LPIN1: variants seen among roughly 807,000 people sequenced by gnomAD.
LPIN1 encodes phosphatidate phosphatase LPIN1.
A neutral mutation model predicts 107.5 loss-of-function variants in LPIN1; 71 were observed. The observed-to-expected ratio is 0.66, with a 90% confidence interval of 0.55 to 0.80. LPIN1 has a LOEUF of 0.80. Among genes scored for constraint, LPIN1 ranks in the 30% least tolerant of loss-of-function variants. LPIN1 has a pLI of 0.00. For missense variants in LPIN1, 1,043 were observed against 1,160.6 expected, an observed-to-expected ratio of 0.90 and a Z score of 1.47; for synonymous variants, 445 against 452.6, an observed-to-expected ratio of 0.98 and a Z score of 0.21.
chr2:11,827,240 G>C lies in LPIN1; in HGVS notation c.*2449G>C, dbSNP rs762743534. The C allele has an allele frequency of 2.0e-5, 3 of 152,508 alleles. No individual in the cohort carries two copies. The highest frequency in any genetic ancestry group is 6.5e-5 in the Admixed American group (1 of 15,278). 9.4% of individuals were successfully genotyped at this position (152,508 alleles called of 1,614,324 possible). ...TACACTTTCAAAGAGAATTCCCTTT[G>C]CAATTTTATGTTTGGATCACCACTG... On this transcript the variant is annotated 3_prime_UTR_variant, in exon 21 of 21. Transcript: ENST00000674199. The surrounding 1 kb of genome is among the most constrained non-coding windows in gnomAD (Gnocchi z 4.1).
chr2:11,765,824 C>T lies in LPIN1; in HGVS notation c.192+91C>T. 1 of 1,187,686 alleles carries T rather than the reference C, an allele frequency of 8.4e-7. No homozygotes were observed. Among genetic ancestry groups the T allele is most frequent in the Non-Finnish European group, 1.2e-6 (1 of 843,604 alleles). The allele number at this position is 1,187,686 out of a possible 1,614,324, so 73.6% of individuals were successfully genotyped here. A position where few individuals can be genotyped will look rare whatever the true frequency, so the allele number is the denominator to read the frequency against. On this transcript the variant is annotated intron_variant, in intron 2 of 20. Transcript: ENST00000674199. This position sits in a 1 kb window ranked among gnomAD's most constrained non-coding sequence, Gnocchi z 4.4. ...ATGCCACCTGTCTTGAACTCTCAGA[C>T]CCAGAGTTTTAGGTCTTCGTTGGAA...
chr2:11,782,099 G>T, intron 7 of LPIN1, 102 bp from the exon 8 acceptor site: 1 of 896,372 alleles, frequency 1.1e-6, no homozygotes, highest in East Asian at 2.5e-5. Flanking sequence ...AAAAGTCCCT[G>T]CCTACTTTTG....
chr2:11,777,916 T>C (rs1432803476), intron 6 of LPIN1, among the ~76,000 whole-genome samples: 1 of 152,228 alleles, frequency 6.6e-6, no homozygotes, highest in African/African-American at 2.4e-5. Context: ...GATGGACTTA[T>C]TCCATGATGA....
At chr2:11,728,499 C>T (rs1251920448) in intron 1 of LPIN1, among the ~76,000 whole-genome samples, 5 of 152,152 alleles carry the variant, frequency 3.3e-5, no homozygotes. Context: ...ACCCTCCCAC[C>T]TCAGCCTCCC....
intron 1 of LPIN1, among the ~76,000 whole-genome samples, chr2:11,759,796 G>GGCT (rs1173032388): frequency 1.4e-5 from 2 of 146,992 alleles, no homozygotes; most frequent in Non-Finnish European, 3.0e-5. Flanking sequence ...CGGACGGGGC[G>GGCT]GCTGGCCGGG....
At position 11,697,634 on chromosome 2, in the gene LPIN1, C is replaced by T. The variant is rs781647747; in HGVS notation, c.82-16122C>T. Among the ~76,000 whole-genome samples the T allele has an allele frequency of 5.5e-4, 84 of 152,314 alleles. No homozygotes were observed. Among genetic ancestry groups the T allele is most frequent in the Middle Eastern group, 6.8e-3 (2 of 294 alleles). The stretch of plus-strand genomic sequence containing the variant: ...ACCTGGCCTGGGGACAGGGAAAGGA[C>T]GCCCATTCATTGGCAGGGTGAGTGG... On this transcript the variant is annotated intron_variant, in intron 1 of 21. Transcript: ENST00000449576. This position sits in a 1 kb window ranked among gnomAD's most constrained non-coding sequence, Gnocchi z 4.6.
chr2:11,692,633 C>T (rs1662331436), intron 1 of LPIN1, among the ~76,000 whole-genome samples: 1 of 149,750 alleles, frequency 6.7e-6, no homozygotes, highest in African/African-American at 2.6e-5. Context: ...GCGTCCACCT[C>T]CTTCTTTCCT....
In LPIN1 at chr2:11,779,545, C is replaced by G; in HGVS notation, c.857C>G (p.Pro286Arg). 6.2e-7 allele frequency: 1 copy of G among 1,614,000 alleles called. No homozygotes were observed. The highest frequency in any genetic ancestry group is 8.5e-7 in the Non-Finnish European group (1 of 1,180,026). ...ESPSGSRPSTPKSDSELVSKS... is the reference protein window; with the variant it reads ...ESPSGSRPSTRKSDSELVSKS... Reference sequence around the variant, plus strand: ...CCTTCCGGTTCCCGACCTTCAACACCTAAAAGTGATTCAGAATTGGTCAGC... The same window carrying G: ...CCTTCCGGTTCCCGACCTTCAACACGTAAAAGTGATTCAGAATTGGTCAGC... Residue 286 changes from proline (P) to arginine (R), a missense_variant, in exon 7 of 21, where the codon CCT (proline) becomes CGT (arginine). Coordinates refer to ENST00000674199, the MANE Select transcript of LPIN1 (RefSeq NM_001349206.2).
intron 17 of LPIN1, among the ~76,000 whole-genome samples, chr2:11,807,072 G>A (rs555916810): frequency 2.4e-4 from 37 of 152,226 alleles, no homozygotes; most frequent in African/African-American, 7.7e-4. Context: ...TGCAGTAAGC[G>A]TTCATAGACA....
chr2:11,786,352 A>G lies in LPIN1; in HGVS notation c.1550-722A>G, dbSNP rs924305425. Among the ~76,000 whole-genome samples, 13 of 152,126 alleles carry G rather than the reference A, an allele frequency of 8.5e-5. No individual in the cohort carries two copies. Among genetic ancestry groups the G allele is most frequent in the African/African-American group, 3.1e-4 (13 of 41,492 alleles). On this transcript the variant is annotated intron_variant, in intron 10 of 20. Coordinates refer to ENST00000674199, the MANE Select transcript of LPIN1 (RefSeq NM_001349206.2). The surrounding 1 kb of genome is among the most constrained non-coding windows in gnomAD (Gnocchi z 4.1). ...GGTAAATAGGAGCTCCCAGGGAAGGAGTGGGCGTGGCTCTGGGCCAGGGAG... is the reference window on the plus strand; with the variant it reads ...GGTAAATAGGAGCTCCCAGGGAAGGGGTGGGCGTGGCTCTGGGCCAGGGAG...
chr2:11,807,021 G>A (rs758072281), intron 17 of LPIN1, among the ~76,000 whole-genome samples: 2 of 152,118 alleles, frequency 1.3e-5, no homozygotes, highest in African/African-American at 4.8e-5. Context: ...ATTGATGAAC[G>A]TGTAGGTAGT....
chr2:11,724,255 C>A, upstream of LPIN1: 1 of 796,880 alleles, frequency 1.3e-6, no homozygotes, highest in Non-Finnish European at 1.5e-6. Context: ...CTGAACACCA[C>A]CAAATGCTGA....
chr2:11,693,788 GTATATATATATATATATATATA>G (rs869167624), intron 1 of LPIN1, among the ~76,000 whole-genome samples: 1 of 40,986 alleles, frequency 2.4e-5, no homozygotes, highest in African/African-American at 9.4e-5. Flanking sequence ...GTGTGAGTGT[GTATATATATATATATATATATA>G]TATATATATA....
At chr2:11,713,678 G>T (rs1226455853) in intron 1 of LPIN1, 2 of 835,438 alleles carry the variant, frequency 2.4e-6, no homozygotes, top group Non-Finnish European at 3.8e-6. Flanking sequence ...TAGTATATTG[G>T]CAAAGTTATG....
At chr2:11,799,292 G>T in intron 14 of LPIN1, among the ~76,000 whole-genome samples, 1 of 151,950 alleles carries the variant, frequency 6.6e-6, no homozygotes, top group Middle Eastern at 3.4e-3. Flanking sequence ...CAGCTATTCC[G>T]CCTTGCCTCC....
Position 11,765,482 on chromosome 2 carries a change from TC to T in LPIN1, c.-9-49del. ...TGAGGAGTTCATTTTGATTGGCTCTTCCTTGGATTAATTGTGTGTCTGTGTG... is the reference window on the plus strand; with the variant it reads ...TGAGGAGTTCATTTTGATTGGCTCTTCTTGGATTAATTGTGTGTCTGTGTG... On this transcript the variant is annotated intron_variant, in intron 1 of 20. Transcript: ENST00000674199. This position sits in a 1 kb window ranked among gnomAD's most constrained non-coding sequence, Gnocchi z 4.4. The T allele has an allele frequency of 1.3e-6, 2 of 1,545,228 alleles. No individual in the cohort carries two copies. The highest frequency in any genetic ancestry group is 3.6e-5 in the Admixed American group (2 of 54,868).
At chr2:11,706,193 T>A (rs1663119687) in intron 1 of LPIN1, among the ~76,000 whole-genome samples, 1 of 152,144 alleles carries the variant, frequency 6.6e-6, no homozygotes, top group African/African-American at 2.4e-5. Flanking sequence ...TTATCAGCAG[T>A]GTGAAAATGG....
At position 11,811,455 on chromosome 2, in the gene LPIN1, C is replaced by T. The variant is rs954990158; in HGVS notation, c.2250-3633C>T. On this transcript the variant is annotated intron_variant, in intron 17 of 20. Transcript: ENST00000674199. ...AACATTTTCCCCATTAGGTCACTCT[C>T]GAGCTGGCTTTCCAGCTAAGTTTAG... Among the ~76,000 whole-genome samples, 28 of 152,298 alleles carry T rather than the reference C, an allele frequency of 1.8e-4. 1 individual carries two copies. The East Asian group carries it at 1.9e-3, about 11-fold the overall frequency.
upstream of LPIN1, among the ~76,000 whole-genome samples, chr2:11,744,380 G>C (rs11884138): frequency 2.6e-5 from 4 of 152,160 alleles, no homozygotes; most frequent in Non-Finnish European, 4.4e-5. Flanking sequence ...TTCGTTTATC[G>C]CCTGGGAGTG....
Sources: gnomAD v4.1 joint callset for allele counts (sites outside exome capture counted in the v4.1 genomes callset) on GRCh38, gnomAD v4.1.1 for gene constraint, Gnocchi (gnomAD v3.1) non-coding constraint, MANE v1.5 for transcripts, NCBI Gene and HGNC (gene_info 2026-07-23, HGNC 2026-07-21) for gene names.